The following LAMA2 variants were observed in gnomAD, a reference collection of about 807,000 sequenced individuals.
LAMA2 encodes the protein laminin subunit alpha 2.
A neutral mutation model predicts 364.8 loss-of-function variants in LAMA2; 269 were observed. The ratio of observed to expected loss-of-function variants is 0.74; its 90% CI spans 0.67 to 0.82. The LOEUF is 0.82. LAMA2 is among the 40% of genes least tolerant of loss of function. The pLI, the probability that LAMA2 is intolerant of heterozygous loss-of-function variation, is 0.00. For synonymous variants in LAMA2, 1,379 were observed against 1,370.6 expected (o/e 1.01, Z -0.14); for missense variants, 3,807 against 3,873.2 (o/e 0.98, Z 0.45).
chr6:129,456,800 C>T (rs915494778), intron 48 of LAMA2, among the ~76,000 whole-genome samples: 9 of 151,934 alleles, frequency 5.9e-5, no homozygotes, highest in Non-Finnish European at 1.2e-4. Flanking sequence ...TTAAGTATAC[C>T]TCATCTTCTG....
At chr6:129,163,308 A>G (rs1356664548) in intron 8 of LAMA2, among the ~76,000 whole-genome samples, 1 of 152,072 alleles carries the variant, frequency 6.6e-6, no homozygotes, top group Non-Finnish European at 1.5e-5. Flanking sequence ...GTCTACATAT[A>G]ATGTATCTTT....
intron 14 of LAMA2, among the ~76,000 whole-genome samples, chr6:129,254,906 TAC>T (rs1786525922): frequency 6.6e-6 from 1 of 152,228 alleles, no homozygotes; most frequent in African/African-American, 2.4e-5. Context: ...CCTCTAACTT[TAC>T]AGTAGACATT....
chr6:129,335,687 G>A (rs956425048), intron 29 of LAMA2, among the ~76,000 whole-genome samples: 1 of 151,808 alleles, frequency 6.6e-6, no homozygotes. Flanking sequence ...ACTATTTTTT[G>A]TTTTGTAAAC....
chr6:129,376,628 G>A (rs146971582), intron 34 of LAMA2, among the ~76,000 whole-genome samples: 1 of 152,158 alleles, frequency 6.6e-6, no homozygotes, highest in East Asian at 1.9e-4. Flanking sequence ...CAGCCACTTT[G>A]TCCCACCACA....
chr6:129,369,975 C>T lies in LAMA2; in HGVS notation c.4944C>T (p.Asn1648=), dbSNP rs111632017. Residue 1648 remains asparagine (N), a synonymous_variant, in exon 34 of 65, where the codon AAC becomes AAT. Transcript: ENST00000421865. ...GNLNTLVTEM[N]ELLTRATKVT... ...TGAATACACTCGTGACCGAAATGAA[C>T]GAGCTGCTGACCAGGGTAAGGTGGC... is the stretch of plus-strand genomic sequence containing the variant. The T allele has an allele frequency of 1.3e-4, 203 of 1,613,918 alleles. 3 individuals are homozygous for T. The highest frequency in any genetic ancestry group is 1.0e-3 in the African/African-American group (75 of 75,018).
intron 29 of LAMA2, among the ~76,000 whole-genome samples, chr6:129,330,547 G>T (rs1775568283): frequency 1.4e-5 from 2 of 146,652 alleles, no homozygotes; most frequent in South Asian, 2.1e-4. Context: ...TCAGTTTCTT[G>T]TGCCTCTCTG....
intron 1 of LAMA2, among the ~76,000 whole-genome samples, chr6:128,970,857 C>T (rs776499165): frequency 7.9e-5 from 12 of 152,158 alleles, no homozygotes; most frequent in Non-Finnish European, 1.0e-4. Context: ...ACTATGAACA[C>T]AGATAGCTAC....
At chr6:128,921,702 T>TTTTTTTATTTA (rs1439333833) in intron 1 of LAMA2, among the ~76,000 whole-genome samples, 2 of 142,148 alleles carry the variant, frequency 1.4e-5, no homozygotes, top group African/African-American at 5.6e-5. Flanking sequence ...TGTCTGTTTT[T>TTTTTTTATTTA]TTTTTTTTTT....
chr6:129,478,646 A>G, intron 53 of LAMA2, 47 bp from the exon 54 acceptor site: 3 of 1,605,290 alleles, frequency 1.9e-6, no homozygotes, highest in Non-Finnish European at 2.6e-6. Flanking sequence ...CTACACTACC[A>G]TCACCCTAAT....
At chr6:129,285,812 A>G (rs1789067632) in intron 18 of LAMA2, among the ~76,000 whole-genome samples, 1 of 152,132 alleles carries the variant, frequency 6.6e-6, no homozygotes, top group African/African-American at 2.4e-5. Flanking sequence ...ATTTTATTGC[A>G]TATTTTATAA....
In LAMA2 at chr6:129,264,417, G is replaced by A. The variant is rs143148079; in HGVS notation, c.2209-2689G>A. 6.2e-3 allele frequency among the ~76,000 whole-genome samples: 949 copies of A among 152,082 alleles called. 8 individuals carry two copies. Among genetic ancestry groups the A allele is most frequent in the South Asian group, 8.5e-3 (41 of 4,810 alleles). On this transcript the variant is annotated intron_variant, in intron 15 of 64. Transcript: ENST00000421865. ...GTGGGGGCATGGAATCCATAGTCCA[G>A]TTTAGAAATTTTCGATTTGAAAACG...
rs750585696 is a variant in LAMA2 at position 129,456,366 on chromosome 6, G to A, written c.6739G>A (p.Ala2247Thr). 1.9e-6 allele frequency: 3 copies of A among 1,613,616 alleles called. No individual in the cohort carries two copies. Among genetic ancestry groups the A allele is most frequent in the East Asian group, 2.2e-5 (1 of 44,852 alleles). The part of the protein sequence containing the change: ...TGRNGTISVR[A>T]LDGPKASIVP... ...GAGAAATGGAACTATTTCTGTGAGA[G>A]CCCTGGATGGACCCAAAGCCAGCAT... is the stretch of plus-strand genomic sequence containing the variant. Residue 2247 changes from alanine (A) to threonine (T), a missense_variant, in exon 48 of 65, where the codon GCC becomes ACC. Transcript: ENST00000421865.
At chr6:128,943,271 G>C (rs7753179) in intron 1 of LAMA2, among the ~76,000 whole-genome samples, 1,165 of 7,968 alleles carry the variant, frequency 0.15, 20 homozygotes, top group African/African-American at 0.2. Context: ...TATATACACA[G>C]AGAGAGAGAG....
intron 12 of LAMA2, among the ~76,000 whole-genome samples, chr6:129,199,235 T>G (rs1441999363): frequency 6.6e-6 from 1 of 152,112 alleles, no homozygotes; most frequent in Non-Finnish European, 1.5e-5. Context: ...CCATATTGAC[T>G]GATTAAAAGA....
intron 1 of LAMA2, among the ~76,000 whole-genome samples, chr6:128,987,382 C>T (rs556572186): frequency 6.6e-6 from 1 of 151,984 alleles, no homozygotes; most frequent in Admixed American, 6.6e-5. Context: ...ACCTTGGGAT[C>T]CAACCGCCTC....
intron 41 of LAMA2, among the ~76,000 whole-genome samples, chr6:129,430,271 G>A (rs551849743): frequency 1.3e-5 from 2 of 152,142 alleles, no homozygotes; most frequent in Non-Finnish European, 2.9e-5. Context: ...GGTGCCTGGA[G>A]TTAGAAGGAA....
At chr6:129,016,588 A>G (rs1785086161) in intron 1 of LAMA2, among the ~76,000 whole-genome samples, 1 of 152,006 alleles carries the variant, frequency 6.6e-6, no homozygotes, top group Non-Finnish European at 1.5e-5. Flanking sequence ...AAAAGAGTAT[A>G]CAGTGCCTGA....
chr6:129,282,456 G>A (rs921954346), intron 18 of LAMA2, among the ~76,000 whole-genome samples: 2 of 152,058 alleles, frequency 1.3e-5, no homozygotes, highest in Non-Finnish European at 2.9e-5. Flanking sequence ...ATTTCAAGTT[G>A]TTTTCTTCTC....
At chr6:129,400,353 T>C (rs779438177) in intron 37 of LAMA2, among the ~76,000 whole-genome samples, 4 of 152,188 alleles carry the variant, frequency 2.6e-5, no homozygotes, top group South Asian at 2.1e-4. Flanking sequence ...TTCCCACTTA[T>C]GTAAAAAGTG....
Sources: gnomAD v4.1 joint callset for allele counts (sites outside exome capture counted in the v4.1 genomes callset) on GRCh38, gnomAD v4.1.1 for gene constraint, MANE v1.5 for transcripts, NCBI Gene and HGNC (gene_info 2026-07-23, HGNC 2026-07-21) for gene names.